IL7: variants seen among roughly 807,000 people sequenced by gnomAD.
IL7 encodes the protein interleukin 7, also known as interleukin-7.
In IL7, 3 loss-of-function variants were observed where a neutral mutation model predicts 21.6. The ratio of observed to expected loss-of-function variants is 0.14; its 90% CI spans 0.06 to 0.36. The LOEUF is 0.36. Ranked by LOEUF, IL7 falls within the 10% of genes least tolerant of loss-of-function variation. The pLI is 1.00. For synonymous variants in IL7, 62 were observed against 68.1 expected, an observed-to-expected ratio of 0.91 and a Z score of 0.44; for missense variants, 175 against 200.2, an observed-to-expected ratio of 0.87 and a Z score of 0.76.
At chr8:78,715,195 T>C, downstream of IL7, 1 of 1,597,036 alleles carries the variant, frequency 6.3e-7, no homozygotes, top group Non-Finnish European at 8.6e-7. Context: ...TCAATACTTT[T>C]CCATTATTTT....
Position 78,682,962 on chromosome 8 carries a change from C to T in IL7, n.273+2927G>A, listed in dbSNP as rs114755058. Among the ~76,000 whole-genome samples, 911 of 152,310 alleles carry T rather than the reference C, an allele frequency of 6.0e-3. 10 individuals carry two copies. The highest frequency in any genetic ancestry group is 0.02 in the African/African-American group (851 of 41,568). The stretch of plus-strand genomic sequence containing the variant: ...GAAATCCATGAGGGCAGTCATTAAA[C>T]CTTAAAGCTCTGAAACGATCTCCTT... On this transcript the variant is annotated intron_variant and non_coding_transcript_variant, in intron 4 of 4. Coordinates refer to the IL7 transcript ENST00000523959.
At chr8:78,735,293 G>GTTTTTTTTTTTTTTTTTTTTTTTTTGT (rs33976248) in intron 5 of IL7, among the ~76,000 whole-genome samples, 16 of 69,572 alleles carry the variant, frequency 2.3e-4, no homozygotes, top group African/African-American at 4.6e-4. Flanking sequence ...TTTTTTTTTT[G>GTTTTTTTTTTTTTTTTTTTTTTTTTGT]TTTTTTTTTT....
At chr8:78,750,295 C>T (rs1812124048) in intron 2 of IL7, among the ~76,000 whole-genome samples, 1 of 152,064 alleles carries the variant, frequency 6.6e-6, no homozygotes, top group African/African-American at 2.4e-5. Context: ...AAGACTAAGA[C>T]CTAATCACAG....
At chr8:78,772,946 G>A (rs963494168) in intron 2 of IL7, among the ~76,000 whole-genome samples, 3 of 152,126 alleles carry the variant, frequency 2.0e-5, no homozygotes, top group African/African-American at 7.2e-5. Context: ...ACTCACAGCT[G>A]GATGAGCACC....
At chr8:78,711,892 T>A in intron 3 of IL7, 2 of 625,004 alleles carry the variant, frequency 3.2e-6, no homozygotes, top group Non-Finnish European at 5.0e-6. Flanking sequence ...ACTTGGGGAG[T>A]AGATATCTGA....
At chr8:78,772,589 C>T (rs748065087) in intron 2 of IL7, among the ~76,000 whole-genome samples, 5 of 151,910 alleles carry the variant, frequency 3.3e-5, no homozygotes, top group Admixed American at 6.6e-5. Flanking sequence ...TTGGAAACTG[C>T]GACTTTAAGT....
chr8:78,722,231 G>T (rs529432313), intron 3 of IL7, among the ~76,000 whole-genome samples: 1 of 151,748 alleles, frequency 6.6e-6, no homozygotes, highest in Non-Finnish European at 1.5e-5. Context: ...TGAAACTGCC[G>T]CCTTTTACGT....
intron 1 of IL7, 93 bp downstream of exon 1, chr8:78,804,820 G>T: frequency 1.4e-6 from 2 of 1,458,968 alleles, no homozygotes; most frequent in East Asian, 2.4e-5. Flanking sequence ...GGCTATTCCC[G>T]GACTTGCCTA....
At chr8:78,764,683 G>A (rs1432864077) in intron 2 of IL7, among the ~76,000 whole-genome samples, 1 of 151,690 alleles carries the variant, frequency 6.6e-6, no homozygotes, top group Non-Finnish European at 1.5e-5. Flanking sequence ...ATCAAAAAAA[G>A]AAAAAAATAA....
At chr8:78,705,046 T>C (rs1278367634) in intron 3 of IL7, among the ~76,000 whole-genome samples, 3 of 152,224 alleles carry the variant, frequency 2.0e-5, no homozygotes, top group Non-Finnish European at 2.9e-5. Context: ...TTACAATGTA[T>C]TGCTTTAGCT....
At chr8:78,803,642 T>C (rs1178179963) in intron 1 of IL7, among the ~76,000 whole-genome samples, 3 of 152,196 alleles carry the variant, frequency 2.0e-5, no homozygotes, top group African/African-American at 7.2e-5. Context: ...CTTTTCTCAG[T>C]TTACCTTTCT....
At chr8:78,689,119 T>A in intron 3 of IL7, 1 of 830,800 alleles carries the variant, frequency 1.2e-6, no homozygotes, top group Non-Finnish European at 1.7e-6. Context: ...TTATCAGATG[T>A]TATTACTTAT....
intron 3 of IL7, among the ~76,000 whole-genome samples, chr8:78,688,948 T>C (rs1203973538): frequency 3.9e-5 from 6 of 152,102 alleles, no homozygotes; most frequent in Admixed American, 3.3e-4. Context: ...GCTTACTCTT[T>C]TGTACTAAGG....
intron 5 of IL7, among the ~76,000 whole-genome samples, chr8:78,735,538 C>T (rs1586052241): frequency 6.6e-6 from 1 of 151,758 alleles, no homozygotes; most frequent in African/African-American, 2.4e-5. Context: ...TTGATCTTTC[C>T]ACCTTGTGAT....
chr8:78,769,162 C>T (rs1387012586), intron 2 of IL7, among the ~76,000 whole-genome samples: 11 of 151,640 alleles, frequency 7.3e-5, no homozygotes, highest in Admixed American at 2.6e-4. Context: ...CTATTCAACA[C>T]AGTGTTGGAA....
intron 3 of IL7, among the ~76,000 whole-genome samples, chr8:78,724,660 T>C (rs148572899): frequency 4.7e-4 from 72 of 152,158 alleles, no homozygotes; most frequent in African/African-American, 1.5e-3. Context: ...AATTCAAAAA[T>C]AGGTTTTTCC....
chr8:78,676,103 C>T, exon 5 of IL7: 1 of 329,862 alleles, frequency 3.0e-6, no homozygotes, highest in Non-Finnish European at 5.4e-6. Flanking sequence ...TTTTACGAGA[C>T]TCTTACCAAA....
chr8:78,746,438 T>C (rs1419781097), intron 2 of IL7, among the ~76,000 whole-genome samples: 1 of 152,214 alleles, frequency 6.6e-6, no homozygotes, highest in South Asian at 2.1e-4. Context: ...CCTTCCAAGA[T>C]AGTTGCTGAC....
chr8:78,776,970 T>A (rs1586095538), intron 2 of IL7, among the ~76,000 whole-genome samples: 1 of 152,174 alleles, frequency 6.6e-6, no homozygotes, highest in South Asian at 2.1e-4. Context: ...AAACTTTTCA[T>A]CTCTATAAAT....
Sources: gnomAD v4.1 joint callset for allele counts (sites outside exome capture counted in the v4.1 genomes callset) on GRCh38, gnomAD v4.1.1 for gene constraint, MANE v1.5 for transcripts, NCBI Gene and HGNC (gene_info 2026-07-23, HGNC 2026-07-21) for gene names.